TMEM175: variants seen among roughly 807,000 people sequenced by gnomAD.
The protein encoded by TMEM175 is transmembrane protein 175.
A neutral mutation model predicts 36.5 loss-of-function variants in TMEM175; 36 were observed. The observed-to-expected ratio is 0.99, with a 90% CI of 0.76 to 1.30. TMEM175 has a LOEUF of 1.30. Ranked by LOEUF, TMEM175 falls within the 50% of genes most tolerant of loss-of-function variation. The probability of loss-of-function intolerance (pLI) is 0.00; values close to 1 mark genes in which losing one functional copy is unlikely to be tolerated. For synonymous variants in TMEM175, 339 were observed against 313.4 expected (o/e 1.08, Z -0.86); for missense variants, 705 against 692.8 (o/e 1.02, Z -0.20).
At chr4:955,986 T>C in intron 10 of TMEM175, 96 bp downstream of exon 10, 4 of 1,455,872 alleles carry the variant, frequency 2.7e-6, no homozygotes, top group Non-Finnish European at 3.8e-6. Context: ...GGCACAGGGG[T>C]CTTGGCTCCA....
chr4:955,610 C>A, intron 9 of TMEM175, 127 bp downstream of exon 9: 1 of 1,441,180 alleles, frequency 6.9e-7, no homozygotes, highest in Non-Finnish European at 9.4e-7. Context: ...GGCTCCCCCA[C>A]TCCGCCCCTC....
At chr4:941,291 G>A (rs1169057531) in intron 1 of TMEM175, among the ~76,000 whole-genome samples, 7 of 143,548 alleles carry the variant, frequency 4.9e-5, no homozygotes, top group South Asian at 2.2e-4. Flanking sequence ...CAGGAGAATC[G>A]TTTAAACCCA....
rs1307478052 is a variant in TMEM175 at position 958,551 on chromosome 4, G to C, written c.*55G>C. The C allele has an allele frequency of 2.8e-5, 40 of 1,406,006 alleles. No homozygotes were observed. Among genetic ancestry groups the C allele is most frequent in the Non-Finnish European group, 3.4e-5 (36 of 1,067,516 alleles). The allele number at this position is 1,406,006 out of a possible 1,614,324, so 87.1% of individuals were successfully genotyped here. A position where few individuals can be genotyped will look rare whatever the true frequency, so the allele number is the denominator to read the frequency against. On this transcript the variant is annotated 3_prime_UTR_variant, in exon 11 of 11. Transcript: ENST00000264771. ...CACCAGAGATGGACCAGGGAGGACA[G>C]GATGCTGGGCAGGGGAAGCCAAGTC...
In TMEM175 at chr4:958,425, C is replaced by G; in HGVS notation, c.1444C>G (p.Pro482Ala). The G allele has an allele frequency of 6.3e-7, 1 of 1,594,928 alleles. No individual in the cohort carries two copies. Among genetic ancestry groups the G allele is most frequent in the Non-Finnish European group, 8.5e-7 (1 of 1,176,842 alleles). Reference protein sequence around the residue: ...TLRVLRGLARPEHPPPAPTGQ... With the variant: ...TLRVLRGLARAEHPPPAPTGQ... ...GCGGGTCCTGCGGGGCCTCGCCCGG[C>G]CCGAACACCCCCCGCCAGCCCCCAC... The change falls in exon 11 of 11, where the codon CCC (proline) becomes GCC (alanine). Residue 482 changes from proline to alanine, a missense_variant. Transcript: ENST00000264771.
rs1726167121 is a variant in TMEM175 at position 932,783 on chromosome 4, G to A, written c.-32+243G>A. Among the ~76,000 whole-genome samples, 1 of 152,246 alleles carries A rather than the reference G, an allele frequency of 6.6e-6. No individual in the cohort carries two copies. Among genetic ancestry groups the A allele is most frequent in the South Asian group, 2.1e-4 (1 of 4,836 alleles). The stretch of plus-strand genomic sequence containing the variant: ...AATACTTGGTTTTCGTCTCATGGAG[G>A]TCGGAGTTTCCTGTGACGCTTAGTG... On this transcript the variant is annotated intron_variant, in intron 1 of 10. Transcript: ENST00000264771. The surrounding 1 kb of genome is among the most constrained non-coding windows in gnomAD (Gnocchi z 4.0).
intron 3 of TMEM175, among the ~76,000 whole-genome samples, chr4:949,331 T>C (rs1220737430): frequency 6.6e-6 from 1 of 152,216 alleles, no homozygotes; most frequent in Non-Finnish European, 1.5e-5. Flanking sequence ...TGCCCTGTCT[T>C]TTCTCTGTTG....
At position 958,125 on chromosome 4, in the gene TMEM175, A is replaced by G; in HGVS notation, c.1144A>G (p.Ile382Val). ...GGAGCGCGTGCGTGTCAGCTGCACC[A>G]TCATCTTCCTGGCCAGCATCTTCCA... ...ELERVRVSCT[I>V]IFLASIFQLA... Residue 382 changes from isoleucine to valine, a missense_variant, in exon 11 of 11, where the codon ATC becomes GTC. Transcript: ENST00000264771. 1 of 1,603,380 alleles carries G rather than the reference A, an allele frequency of 6.2e-7. No homozygotes were observed. The highest frequency in any genetic ancestry group is 8.5e-7 in the Non-Finnish European group (1 of 1,179,692).
intron 1 of TMEM175, among the ~76,000 whole-genome samples, chr4:940,126 C>A (rs1320524246): frequency 6.6e-6 from 1 of 152,134 alleles, no homozygotes; most frequent in African/African-American, 2.4e-5. Context: ...ATAGAACATT[C>A]TGGAAAAGGC....
intron 6 of TMEM175, 120 bp from the exon 7 acceptor site, chr4:952,247 G>T: frequency 1.2e-6 from 1 of 865,310 alleles, no homozygotes; most frequent in Non-Finnish European, 1.9e-6. Flanking sequence ...ATCCTGTGAT[G>T]GCCCCACCGC....
At chr4:943,977 T>G (rs561568247) in intron 1 of TMEM175, among the ~76,000 whole-genome samples, 1 of 152,218 alleles carries the variant, frequency 6.6e-6, no homozygotes, top group Non-Finnish European at 1.5e-5. Flanking sequence ...AGGGTGCGAT[T>G]CCGTTTATAC....
chr4:941,890 T>TA (rs1208067609), intron 1 of TMEM175, among the ~76,000 whole-genome samples: 2 of 151,674 alleles, frequency 1.3e-5, no homozygotes, highest in Non-Finnish European at 2.9e-5. Context: ...CATGTCTTTA[T>TA]AAAAAAAGAA....
chr4:955,683 C>A, intron 9 of TMEM175, 72 bp from the exon 10 acceptor site: 1 of 1,569,346 alleles, frequency 6.4e-7, no homozygotes, highest in Non-Finnish European at 8.7e-7. Context: ...TGGATGAGGG[C>A]GGTGACAGCC....
chr4:937,576 A>C (rs1044485889), intron 1 of TMEM175, among the ~76,000 whole-genome samples: 1 of 152,116 alleles, frequency 6.6e-6, no homozygotes, highest in Non-Finnish European at 1.5e-5. Context: ...AAAAAAGAAG[A>C]CTCCAAACTT....
intron 1 of TMEM175, 103 bp from the exon 2 acceptor site, chr4:947,606 G>GCC (rs370234930): frequency 1.3e-5 from 11 of 851,486 alleles, no homozygotes; most frequent in Non-Finnish European, 1.4e-5. Flanking sequence ...TGGCGGCCAA[G>GCC]CCCCCCCCCA....
chr4:949,253 A>C (rs565431119), intron 3 of TMEM175, among the ~76,000 whole-genome samples: 12 of 152,252 alleles, frequency 7.9e-5, no homozygotes, highest in Middle Eastern at 3.4e-3. Context: ...GAAAATAAAA[A>C]CCTGTGAACC....
At position 932,718 on chromosome 4, in the gene TMEM175, G is replaced by C. The variant is rs553575032; in HGVS notation, c.-32+178G>C. 5.1e-4 allele frequency among the ~76,000 whole-genome samples: 78 copies of C among 152,358 alleles called. No individual in the cohort carries two copies. Among genetic ancestry groups the C allele is most frequent in the Non-Finnish European group, 1.5e-5 (1 of 68,040 alleles). On this transcript the variant is annotated intron_variant, in intron 1 of 10. Transcript: ENST00000264771. The surrounding 1 kb of genome is among the most constrained non-coding windows in gnomAD (Gnocchi z 4.0). ...GGTTCGCGAATTTTTCTCTCAGTTGGCTAAGGAGCAAGGAGTTAGCGTGCG... is the reference window on the plus strand; with the variant it reads ...GGTTCGCGAATTTTTCTCTCAGTTGCCTAAGGAGCAAGGAGTTAGCGTGCG...
intron 1 of TMEM175, among the ~76,000 whole-genome samples, chr4:946,426 T>C (rs371562010): frequency 3.1e-4 from 47 of 151,816 alleles, no homozygotes; most frequent in Middle Eastern, 3.4e-3. Context: ...AGTGCCTGGT[T>C]GGCACGAGGC....
At chr4:957,475 G>A (rs1284454381) in intron 10 of TMEM175, among the ~76,000 whole-genome samples, 1 of 152,188 alleles carries the variant, frequency 6.6e-6, no homozygotes, top group Non-Finnish European at 1.5e-5. Context: ...AACAGACCTC[G>A]CTGCCCCACA....
At chr4:956,253 C>T in intron 10 of TMEM175, 1 of 1,231,774 alleles carries the variant, frequency 8.1e-7, no homozygotes, top group Non-Finnish European at 1.0e-6. Flanking sequence ...ACACCAGCCC[C>T]TCCTAGTCCC....
Sources: gnomAD v4.1 joint callset for allele counts (sites outside exome capture counted in the v4.1 genomes callset) on GRCh38, gnomAD v4.1.1 for gene constraint, Gnocchi (gnomAD v3.1) non-coding constraint, MANE v1.5 for transcripts, NCBI Gene and HGNC (gene_info 2026-07-23, HGNC 2026-07-21) for gene names.